VGLL3: variants seen among roughly 807,000 people sequenced by gnomAD.
The protein encoded by VGLL3 is vestigial like family member 3, also known as transcription cofactor vestigial-like protein 3.
A neutral mutation model predicts 29.2 loss-of-function variants in VGLL3; 18 were observed. That is an observed-to-expected ratio of 0.62 (90% CI 0.43 to 0.91). The LOEUF is 0.91. Ranked by LOEUF, VGLL3 falls within the 40% of genes least tolerant of loss-of-function variation. VGLL3 has a pLI of 0.00. For missense variants in VGLL3, 440 were observed against 413.2 expected (o/e 1.06, Z -0.56); for synonymous variants, 180 against 151.8 (o/e 1.19, Z -1.36).
intron 3 of VGLL3, among the ~76,000 whole-genome samples, chr3:86,963,430 G>A (rs1053529108): frequency 5.3e-5 from 8 of 152,070 alleles, no homozygotes; most frequent in African/African-American, 1.9e-4. Context: ...CAGGCATAGC[G>A]GATAGGGAAA....
At chr3:86,960,932 G>GGTATATATAT (rs1457503323) in intron 3 of VGLL3, among the ~76,000 whole-genome samples, 55 of 137,946 alleles carry the variant, frequency 4.0e-4, no homozygotes, top group African/African-American at 1.5e-3. Flanking sequence ...AAGTAATTGT[G>GGTATATATAT]ATATATATAT....
At chr3:86,974,919 G>A (rs1195569183) in intron 2 of VGLL3, among the ~76,000 whole-genome samples, 2 of 152,084 alleles carry the variant, frequency 1.3e-5, no homozygotes, top group Non-Finnish European at 2.9e-5. Context: ...AAAGGCTCAG[G>A]GTTTGTTTTC....
chr3:86,990,979 C>G lies in VGLL3; in HGVS notation c.-236G>C. ...TTCATCTTCAGCCCCTCCGGATGTT[C>G]CCTGCCGCGCTTATATAGCGGCTCA... On this transcript the variant is annotated 5_prime_UTR_variant, in exon 1 of 4. Coordinates refer to ENST00000398399, the MANE Select transcript of VGLL3 (RefSeq NM_016206.4). 1 of 1,017,934 alleles carries G rather than the reference C, an allele frequency of 9.8e-7. No homozygotes were observed. Among genetic ancestry groups the G allele is most frequent in the Non-Finnish European group, 1.2e-6 (1 of 845,230 alleles). 63.1% of individuals were successfully genotyped at this position (1,017,934 alleles called of 1,614,324 possible).
chr3:86,965,419 C>T (rs1704937577), intron 3 of VGLL3, among the ~76,000 whole-genome samples: 1 of 152,148 alleles, frequency 6.6e-6, no homozygotes, highest in African/African-American at 2.4e-5. Context: ...GCACAGGTTA[C>T]ACAGAGGGAC....
intron 3 of VGLL3, among the ~76,000 whole-genome samples, chr3:86,960,966 T>TGC (rs1559723986): frequency 5.7e-5 from 8 of 140,916 alleles, no homozygotes; most frequent in African/African-American, 1.8e-4. Context: ...TATATATATA[T>TGC]GCATATGATG....
chr3:86,944,941 T>C lies in VGLL3; in HGVS notation c.*2083A>G, dbSNP rs1704475941. 6.6e-6 allele frequency: 1 copy of C among 152,172 alleles called. No individual in the cohort carries two copies. The highest frequency in any genetic ancestry group is 2.4e-5 in the African/African-American group (1 of 41,442). The allele number at this position is 152,172 out of a possible 1,614,324, so 9.4% of individuals were successfully genotyped here. The stretch of plus-strand genomic sequence containing the variant: ...CTGTTGAATACTTGCCTTTGAAAAC[T>C]CAGAAGGACACAAGGCAAATCCAGA... On this transcript the variant is annotated 3_prime_UTR_variant, in exon 4 of 4. Transcript: ENST00000398399.
intron 3 of VGLL3, among the ~76,000 whole-genome samples, chr3:86,964,676 A>G (rs562581590): frequency 5.9e-5 from 9 of 152,340 alleles, no homozygotes; most frequent in African/African-American, 1.9e-4. Flanking sequence ...ACATGAAGTT[A>G]CAATGAAAAG....
chr3:86,978,803 C>A lies in VGLL3; in HGVS notation c.127-1G>T, dbSNP rs977054955. ...TCTTGCTGAATACCGCTAACTTCTT[C>A]TGGGATGGAATAAACAAAACACAGT... On this transcript the variant is annotated splice_acceptor_variant, in intron 1 of 3. Coordinates refer to ENST00000398399, the MANE Select transcript of VGLL3 (RefSeq NM_016206.4). LOFTEE classifies it high-confidence loss of function. 1 of 1,597,234 alleles carries A rather than the reference C, an allele frequency of 6.3e-7. No homozygotes were observed. Among genetic ancestry groups the A allele is most frequent in the African/African-American group, 1.3e-5 (1 of 74,596 alleles).
intron 1 of VGLL3, 56 bp from the exon 2 acceptor site, chr3:86,978,858 CTAGTTAAGTTTTCACT>C (rs766367030): frequency 2.2e-4 from 324 of 1,490,162 alleles, no homozygotes; most frequent in Non-Finnish European, 2.8e-4. Context: ...AAAGCATTCA[CTAGTTAAGTTTTCACT>C]TTTTTAAAAA....
chr3:86,972,470 G>A lies in VGLL3; in HGVS notation c.404-3347C>T, dbSNP rs143062004. 1.4e-4 allele frequency among the ~76,000 whole-genome samples: 22 copies of A among 152,082 alleles called. No individual in the cohort carries two copies. In the East Asian group the frequency reaches 3.7e-3, roughly 25 times the overall value. On this transcript the variant is annotated intron_variant, in intron 2 of 3. Transcript: ENST00000398399. ...AGTTTATACTTCAAAATCACTATTC[G>A]GTGTCTTGCTTGTTTAAGAAAAAAA...
intron 2 of VGLL3, among the ~76,000 whole-genome samples, chr3:86,977,099 A>C (rs1001401282): frequency 2.0e-5 from 3 of 152,084 alleles, no homozygotes; most frequent in Non-Finnish European, 4.4e-5. Flanking sequence ...TTTTCAGTTC[A>C]TTTCCATCAA....
At chr3:86,984,950 T>C (rs1279401291) in intron 1 of VGLL3, among the ~76,000 whole-genome samples, 1 of 152,330 alleles carries the variant, frequency 6.6e-6, no homozygotes, top group Non-Finnish European at 1.5e-5. Flanking sequence ...AACTGTTTTC[T>C]TGTTTCTAAA....
intron 1 of VGLL3, among the ~76,000 whole-genome samples, chr3:86,984,136 CAT>C (rs760381874): frequency 9.2e-5 from 14 of 152,174 alleles, no homozygotes; most frequent in Non-Finnish European, 1.6e-4. Flanking sequence ...CTTTTAAAAA[CAT>C]ATATAATTCT....
chr3:86,962,796 T>A (rs1704880467), intron 3 of VGLL3: 1 of 309,894 alleles, frequency 3.2e-6, no homozygotes, highest in African/African-American at 2.3e-5. Context: ...GGCAGGTGGA[T>A]CACGAGGTCA....
rs944241052 is a variant in VGLL3, at chr3:86,987,091, C to T, written c.126+3527G>A. 9.2e-5 allele frequency among the ~76,000 whole-genome samples: 14 copies of T among 152,038 alleles called. 1 individual carries two copies. Among genetic ancestry groups the T allele is most frequent in the South Asian group, 4.2e-4 (2 of 4,816 alleles). Reference sequence around the variant, plus strand: ...ATGTCATTGTACAAAGATGCTACACCGGAGAAAGGGGGATCTGGTGATCCT... The same window carrying T: ...ATGTCATTGTACAAAGATGCTACACTGGAGAAAGGGGGATCTGGTGATCCT... On this transcript the variant is annotated intron_variant, in intron 1 of 3. Transcript: ENST00000398399.
rs1240241231 is a variant in VGLL3, at chr3:86,941,269, G to T, written c.*5755C>A. On this transcript the variant is annotated 3_prime_UTR_variant, in exon 4 of 4. Transcript: ENST00000398399. ...TATCCTAAGAAATTAAATCAATTGT[G>T]TAAATAATCATTATTAACTTTTGCT... is the stretch of plus-strand genomic sequence containing the variant. 1.3e-5 allele frequency: 2 copies of T among 152,100 alleles called. No homozygotes were observed. Among genetic ancestry groups the T allele is most frequent in the Non-Finnish European group, 2.9e-5 (2 of 67,856 alleles). 9.4% of individuals were successfully genotyped at this position (152,100 alleles called of 1,614,324 possible).
chr3:86,962,457 C>G (rs1002799575), intron 3 of VGLL3: 60 of 985,240 alleles, frequency 6.1e-5, no homozygotes, highest in Non-Finnish European at 7.2e-5. Context: ...AATGGACCAC[C>G]TTACTTCATT....
intron 3 of VGLL3, among the ~76,000 whole-genome samples, chr3:86,964,934 C>T (rs1224037355): frequency 6.6e-6 from 1 of 152,020 alleles, no homozygotes; most frequent in African/African-American, 2.4e-5. Flanking sequence ...CCAAGGTGGG[C>T]AGATGATGAG....
At chr3:86,947,892 G>C (rs148333426) in intron 3 of VGLL3, among the ~76,000 whole-genome samples, 59 of 151,728 alleles carry the variant, frequency 3.9e-4, no homozygotes, top group African/African-American at 1.4e-3. Context: ...AATAATTTCT[G>C]ATATGGGCAA....
Sources: gnomAD v4.1 joint callset for allele counts (sites outside exome capture counted in the v4.1 genomes callset) on GRCh38, gnomAD v4.1.1 for gene constraint, MANE v1.5 for transcripts, NCBI Gene and HGNC (gene_info 2026-07-23, HGNC 2026-07-21) for gene names.